The following STK32C variants were observed in gnomAD, a reference collection of about 807,000 sequenced individuals.
STK32C encodes serine/threonine-protein kinase 32C.
Under a neutral mutation model 56.5 loss-of-function variants are expected in STK32C, and 31 were observed. The observed-to-expected ratio is 0.55, with a 90% confidence interval of 0.41 to 0.74. The LOEUF (loss-of-function observed/expected upper bound fraction) is 0.74. Among genes scored for constraint, STK32C ranks in the 30% least tolerant of loss-of-function variants. The pLI is 0.00. For missense variants in STK32C, 544 were observed against 676.9 expected, an observed-to-expected ratio of 0.80 and a Z score of 2.18; for synonymous variants, 309 against 289.4, an observed-to-expected ratio of 1.07 and a Z score of -0.69.
Position 132,307,614 on chromosome 10 carries a change from C to T in STK32C, c.220G>A (p.Ala74Thr), listed in dbSNP as rs759127643. The change falls in exon 1 of 12, where the codon GCG becomes ACG. Residue 74 changes from alanine to threonine, a missense_variant. Transcript: ENST00000298630. The surrounding 1 kb of genome is among the most constrained non-coding windows in gnomAD (Gnocchi z 4.4). Reference protein sequence around the residue: ...WKKRMGSSMSAATARRPVFDD... With the variant: ...WKKRMGSSMSTATARRPVFDD... ...AACACCGGCCTCCGCGCGGTGGCCG[C>T]CGACATGGACGAGCCCATCCTCTTC... 3.2e-6 allele frequency: 5 copies of T among 1,561,318 alleles called. No homozygotes were observed. The highest frequency in any genetic ancestry group is 2.3e-5 in the South Asian group (2 of 86,662).
intron 1 of STK32C, among the ~76,000 whole-genome samples, chr10:132,317,427 C>T (rs1473822761): frequency 6.6e-6 from 1 of 152,158 alleles, no homozygotes; most frequent in East Asian, 1.9e-4. Context: ...CAAAAATACA[C>T]AATTAAGAAA....
At chr10:132,311,513 T>C (rs947248671), upstream of STK32C, among the ~76,000 whole-genome samples, 7 of 152,208 alleles carry the variant, frequency 4.6e-5, no homozygotes, top group Non-Finnish European at 7.3e-5. This position sits in a 1 kb window ranked among gnomAD's most constrained non-coding sequence, Gnocchi z 4.4. Context: ...TTGGTTGCTA[T>C]GGTGACAGTA....
chr10:132,262,949 C>G (rs1426891777), intron 1 of STK32C, among the ~76,000 whole-genome samples: 5 of 152,152 alleles, frequency 3.3e-5, no homozygotes, highest in Non-Finnish European at 7.3e-5. Flanking sequence ...ACAACAGATG[C>G]TGGCAAGACT....
intron 1 of STK32C, among the ~76,000 whole-genome samples, chr10:132,303,877 T>G (rs1590458268): frequency 6.6e-6 from 1 of 152,138 alleles, no homozygotes; most frequent in African/African-American, 2.4e-5. Context: ...TGGCAGCAGG[T>G]GGTCTGGTTC....
chr10:132,274,735 G>A (rs1320108645), intron 1 of STK32C, among the ~76,000 whole-genome samples: 2 of 152,194 alleles, frequency 1.3e-5, no homozygotes, highest in African/African-American at 4.8e-5. Flanking sequence ...AGGCCTCGGA[G>A]GGCCCCGAGA....
At chr10:132,264,947 T>C (rs2064448749) in intron 1 of STK32C, among the ~76,000 whole-genome samples, 1 of 152,266 alleles carries the variant, frequency 6.6e-6, no homozygotes, top group South Asian at 2.1e-4. Flanking sequence ...GCCTCATCCA[T>C]CATACCCGTA....
chr10:132,315,889 T>G (rs1447407971), intron 1 of STK32C, among the ~76,000 whole-genome samples: 1 of 152,118 alleles, frequency 6.6e-6, no homozygotes, highest in Non-Finnish European at 1.5e-5. Context: ...CACAATGAAA[T>G]TAAGCATCAA....
At chr10:132,314,169 A>C (rs1046610786) in intron 1 of STK32C, among the ~76,000 whole-genome samples, 4 of 152,238 alleles carry the variant, frequency 2.6e-5, no homozygotes, top group African/African-American at 9.6e-5. Context: ...AGGAGGGGCA[A>C]ATCAATTTCA....
At chr10:132,308,152 G>T (rs1282254407), upstream of STK32C, among the ~76,000 whole-genome samples, 2 of 151,936 alleles carry the variant, frequency 1.3e-5, no homozygotes, top group African/African-American at 2.4e-5. Context: ...AGTGCCTGGA[G>T]TGTCGCTAGG....
At chr10:132,320,433 G>A (rs572094837), downstream of STK32C, among the ~76,000 whole-genome samples, 3 of 152,236 alleles carry the variant, frequency 2.0e-5, no homozygotes, top group South Asian at 6.2e-4. Flanking sequence ...AGGAGAGCTG[G>A]GGAAGTGAAA....
intron 1 of STK32C, among the ~76,000 whole-genome samples, chr10:132,284,387 G>GT (rs1465644935): frequency 1.4e-5 from 1 of 72,518 alleles, no homozygotes; most frequent in Non-Finnish European, 3.1e-5. Flanking sequence ...GAGGTTGGGG[G>GT]GGCAGGTGAG....
intron 1 of STK32C, among the ~76,000 whole-genome samples, chr10:132,290,136 T>C (rs983805595): frequency 1.3e-5 from 2 of 152,094 alleles, no homozygotes; most frequent in Non-Finnish European, 2.9e-5. Context: ...GCCTCCACCA[T>C]AGACCCCAAG....
chr10:132,269,913 C>T (rs1321694923), intron 1 of STK32C, among the ~76,000 whole-genome samples: 1 of 152,272 alleles, frequency 6.6e-6, no homozygotes, highest in Non-Finnish European at 1.5e-5. Context: ...GGCCTCCCAG[C>T]CACGTGGGCC....
chr10:132,287,328 T>C (rs1367002296), intron 1 of STK32C, among the ~76,000 whole-genome samples: 1 of 151,632 alleles, frequency 6.6e-6, no homozygotes, highest in African/African-American at 2.4e-5. Context: ...CCGTCTCTAC[T>C]AAAAATACAA....
intron 2 of STK32C, among the ~76,000 whole-genome samples, chr10:132,235,493 T>TAAAAAAAA (rs1565091831): frequency 2.8e-5 from 2 of 72,408 alleles, no homozygotes; most frequent in African/African-American, 1.0e-4. Context: ...AGACTCAGCC[T>TAAAAAAAA]TAAAAAAAAA....
At chr10:132,277,960 T>A (rs1590365421) in intron 1 of STK32C, among the ~76,000 whole-genome samples, 1 of 152,066 alleles carries the variant, frequency 6.6e-6, no homozygotes, top group South Asian at 2.1e-4. Context: ...CACATGAACA[T>A]CCTGTTGATG....
At chr10:132,306,160 T>C (rs1251628168) in intron 1 of STK32C, among the ~76,000 whole-genome samples, 1 of 151,994 alleles carries the variant, frequency 6.6e-6, no homozygotes, top group Non-Finnish European at 1.5e-5. Context: ...CTGTCTCCAC[T>C]CCCACCCCCG....
intron 1 of STK32C, among the ~76,000 whole-genome samples, chr10:132,268,951 C>T (rs1479358051): frequency 8.5e-6 from 1 of 118,064 alleles, no homozygotes. Flanking sequence ...ATGCATGTCT[C>T]ACATCGTGTG....
chr10:132,269,122 C>T (rs1367427270), intron 1 of STK32C, among the ~76,000 whole-genome samples: 2 of 150,012 alleles, frequency 1.3e-5, no homozygotes, highest in Admixed American at 6.6e-5. Context: ...TGTGTGCCTG[C>T]GTGTGTACAT....
Sources: gnomAD v4.1 joint callset for allele counts (sites outside exome capture counted in the v4.1 genomes callset) on GRCh38, gnomAD v4.1.1 for gene constraint, Gnocchi (gnomAD v3.1) non-coding constraint, MANE v1.5 for transcripts, NCBI Gene and HGNC (gene_info 2026-07-23, HGNC 2026-07-21) for gene names.